The following TMEM40 variants were observed in gnomAD, a reference collection of about 807,000 sequenced individuals.
TMEM40 encodes the protein transmembrane protein 40.
A neutral mutation model predicts 40.8 loss-of-function variants in TMEM40; 34 were observed. That is an observed-to-expected ratio of 0.83 (90% CI 0.63 to 1.11). The LOEUF (loss-of-function observed/expected upper bound fraction) is 1.11, where lower values mean the gene tolerates loss of function less well. TMEM40 is among the 50% of genes least tolerant of loss of function. The pLI is 0.00. For synonymous variants in TMEM40, 106 were observed against 107.0 expected, an observed-to-expected ratio of 0.99 and a Z score of 0.06; for missense variants, 296 against 280.2, an observed-to-expected ratio of 1.06 and a Z score of -0.40.
intron 1 of TMEM40, among the ~76,000 whole-genome samples, chr3:12,756,422 C>T (rs2061527977): frequency 6.6e-6 from 1 of 152,186 alleles, no homozygotes; most frequent in African/African-American, 2.4e-5. Flanking sequence ...TCTAGATCCT[C>T]AGACCAAGCT....
In TMEM40 at chr3:12,745,496, C is replaced by T. The variant is rs184824120; in HGVS notation, c.212-1507G>A. ...CAGGGTCTCACTCTGTCATCAAGGC[C>T]GAAGTGCAGTGGTACAATCAGGGCT... is the stretch of plus-strand genomic sequence containing the variant. On this transcript the variant is annotated intron_variant, in intron 3 of 11. Coordinates refer to ENST00000314124, the MANE Select transcript of TMEM40 (RefSeq NM_018306.4). Among the ~76,000 whole-genome samples, 5 of 152,134 alleles carry T rather than the reference C, an allele frequency of 3.3e-5. No individual in the cohort carries two copies. In the South Asian group the frequency reaches 8.3e-4, roughly 25 times the overall value.
At chr3:12,764,141 T>C (rs2061584514), upstream of TMEM40, among the ~76,000 whole-genome samples, 1 of 152,110 alleles carries the variant, frequency 6.6e-6, no homozygotes, top group Non-Finnish European at 1.5e-5. Flanking sequence ...CTTGAACTCC[T>C]GACCTCAGAT....
chr3:12,743,875 A>C, intron 4 of TMEM40, 25 bp downstream of exon 4: 2 of 1,607,128 alleles, frequency 1.2e-6, no homozygotes, highest in Admixed American at 1.7e-5. Flanking sequence ...TGGGCAAAAG[A>C]AAAATGGTAA....
Position 12,756,148 on chromosome 3 carries a change from C to T in TMEM40, c.-9+3043G>A, listed in dbSNP as rs575324303. Among the ~76,000 whole-genome samples the T allele has an allele frequency of 3.3e-5, 5 of 151,944 alleles. No homozygotes were observed. The South Asian group carries it at 6.2e-4, about 19-fold the overall frequency. The stretch of plus-strand genomic sequence containing the variant: ...ACAAACTCAAAATACACAATAATAA[C>T]GAGAAACAAATACAAACTCAAACTC... On this transcript the variant is annotated intron_variant, in intron 1 of 11. Transcript: ENST00000314124.
chr3:12,755,910 A>G (rs2061523708), intron 1 of TMEM40, among the ~76,000 whole-genome samples: 1 of 152,198 alleles, frequency 6.6e-6, no homozygotes, highest in Admixed American at 6.5e-5. Context: ...TCTTGTTGAC[A>G]AGTGACTTCA....
intron 1 of TMEM40, among the ~76,000 whole-genome samples, chr3:12,751,546 G>A (rs1167909953): frequency 6.6e-6 from 1 of 151,966 alleles, no homozygotes; most frequent in African/African-American, 2.4e-5. Context: ...CCAAAGTGCT[G>A]GGATTACAGG....
intron 5 of TMEM40, chr3:12,738,921 A>G: frequency 6.9e-5 from 20 of 287,818 alleles, no homozygotes; most frequent in Non-Finnish European, 1.2e-4. Context: ...TTGGGAGGCC[A>G]AGGTGGGCGG....
chr3:12,749,497 C>G (rs2061456277), intron 2 of TMEM40, among the ~76,000 whole-genome samples: 1 of 152,196 alleles, frequency 6.6e-6, no homozygotes. Flanking sequence ...TCTAGGGGTG[C>G]TCCCTAGTGC....
At chr3:12,760,877 G>A (rs1245455229), upstream of TMEM40, among the ~76,000 whole-genome samples, 2 of 152,062 alleles carry the variant, frequency 1.3e-5, no homozygotes, top group African/African-American at 4.8e-5. Flanking sequence ...GAGGAGCTGG[G>A]ACTACAGGCA....
chr3:12,752,115 G>GTCTCT (rs2061482262), intron 1 of TMEM40, among the ~76,000 whole-genome samples: 1 of 151,898 alleles, frequency 6.6e-6, no homozygotes, highest in Non-Finnish European at 1.5e-5. Context: ...TTTTGACAAG[G>GTCTCT]TCTCTCTCTA....
chr3:12,761,202 G>C (rs1000402617), upstream of TMEM40, among the ~76,000 whole-genome samples: 1 of 152,216 alleles, frequency 6.6e-6, no homozygotes, highest in Non-Finnish European at 1.5e-5. Flanking sequence ...GGGGGCCTTG[G>C]GGATGGAGAG....
chr3:12,737,076 C>T (rs1331527327), intron 8 of TMEM40, among the ~76,000 whole-genome samples: 5 of 152,114 alleles, frequency 3.3e-5, no homozygotes, highest in East Asian at 3.9e-4. Flanking sequence ...GATAAGGTCT[C>T]GCTATGTTGC....
rs768433349 is a variant in TMEM40, at chr3:12,742,460, A to G, written c.349T>C (p.Tyr117His). The change falls in exon 5 of 12, where the codon TAT (tyrosine) becomes CAT (histidine). Residue 117 changes from tyrosine to histidine, a missense_variant. Transcript: ENST00000314124. ...CTACTGGGCAACTGATTACCTCCAT[A>G]GAGTTGAAGCTCATCCTTCAAAACG... ...PDVLKDELQL[Y>H]GDAPGEVVPS... The G allele has an allele frequency of 6.8e-6, 11 of 1,613,960 alleles. No homozygotes were observed. The highest frequency in any genetic ancestry group is 1.7e-5 in the Admixed American group (1 of 60,012).
At position 12,738,550 on chromosome 3, in the gene TMEM40, C is replaced by T. The variant is rs373595097; in HGVS notation, c.391+3G>A. The T allele has an allele frequency of 2.0e-5, 32 of 1,614,108 alleles. No individual in the cohort carries two copies. The highest frequency in any genetic ancestry group is 1.8e-4 in the East Asian group (8 of 44,882). On this transcript the variant is annotated splice_donor_region_variant and intron_variant, in intron 6 of 11. Coordinates refer to ENST00000314124, the MANE Select transcript of TMEM40 (RefSeq NM_018306.4). ...GACCTCTCTCCTCTAACTGGACACT[C>T]ACCTGATTCCCCAGAGGGTACCACC...
intron 3 of TMEM40, among the ~76,000 whole-genome samples, chr3:12,746,272 T>A (rs991735874): frequency 1.3e-5 from 2 of 152,184 alleles, no homozygotes; most frequent in African/African-American, 4.8e-5. Context: ...TAGTCCCTAG[T>A]ACCCATCACA....
chr3:12,748,930 A>G (rs926083174), intron 2 of TMEM40, 138 bp from the exon 3 acceptor site: 26 of 729,966 alleles, frequency 3.6e-5, no homozygotes, highest in South Asian at 5.9e-5. Flanking sequence ...TCTAGAGCCA[A>G]TGCAACATGC....
intron 1 of TMEM40, among the ~76,000 whole-genome samples, chr3:12,767,166 G>A (rs1381905288): frequency 6.6e-6 from 1 of 152,174 alleles, no homozygotes; most frequent in African/African-American, 2.4e-5. Context: ...ACTTGCTTGA[G>A]GTCACAATGA....
rs892153610 is a variant in TMEM40, at chr3:12,738,912, T to A, written c.356-324A>T. Reference sequence around the variant, plus strand: ...GCTCATGCCTGTAATACCAGCACTTTGGGAGGCCAAGGTGGGCGGATCACG... The same window carrying A: ...GCTCATGCCTGTAATACCAGCACTTAGGGAGGCCAAGGTGGGCGGATCACG... On this transcript the variant is annotated intron_variant, in intron 5 of 11. Coordinates refer to ENST00000314124, the MANE Select transcript of TMEM40 (RefSeq NM_018306.4). The A allele has an allele frequency of 4.6e-5, 14 of 301,524 alleles. No individual in the cohort carries two copies. In the East Asian group the frequency reaches 8.7e-4, roughly 19 times the overall value. The allele number at this position is 301,524 out of a possible 1,614,324, so 18.7% of individuals were successfully genotyped here.
intron 3 of TMEM40, among the ~76,000 whole-genome samples, chr3:12,744,895 A>G (rs1575735698): frequency 6.6e-6 from 1 of 152,296 alleles, no homozygotes; most frequent in Non-Finnish European, 1.5e-5. Context: ...AAGCTCAACA[A>G]AATAACAACG....
Sources: gnomAD v4.1 joint callset for allele counts (sites outside exome capture counted in the v4.1 genomes callset) on GRCh38, gnomAD v4.1.1 for gene constraint, MANE v1.5 for transcripts, NCBI Gene and HGNC (gene_info 2026-07-23, HGNC 2026-07-21) for gene names.